Variants in HSPA4 observed in about 807,000 individuals in gnomAD.
HSPA4 encodes heat shock protein family A (Hsp70) member 4.
HSPA4 carries 25 observed loss-of-function variants against 106.2 expected under a neutral mutation model. The ratio of observed to expected loss-of-function variants is 0.24; its 90% CI spans 0.17 to 0.33. The LOEUF (loss-of-function observed/expected upper bound fraction) is 0.33. Among genes scored for constraint, HSPA4 ranks in the 10% least tolerant of loss-of-function variants. The probability of loss-of-function intolerance (pLI) is 1.00; values close to 1 mark genes in which losing one functional copy is unlikely to be tolerated. For synonymous variants in HSPA4, 332 were observed against 333.6 expected (o/e 1.00, Z 0.05); for missense variants, 841 against 996.0 (o/e 0.84, Z 2.10).
chr5:133,091,852 C>G (rs1252332279), intron 12 of HSPA4, among the ~76,000 whole-genome samples: 1 of 151,812 alleles, frequency 6.6e-6, no homozygotes, highest in Non-Finnish European at 1.5e-5. Flanking sequence ...AAAGTGAGAC[C>G]CTCATCTCTA....
At position 133,103,906 on chromosome 5, in the gene HSPA4, G is replaced by A; in HGVS notation, c.2199G>A (p.Lys733=). 1 of 1,613,886 alleles carries A rather than the reference G, an allele frequency of 6.2e-7. No homozygotes were observed. Among genetic ancestry groups the A allele is most frequent in the Non-Finnish European group, 8.5e-7 (1 of 1,179,942 alleles). Residue 733 remains lysine, a synonymous_variant, in exon 18 of 19, where the codon AAG becomes AAA. Coordinates refer to ENST00000304858, the MANE Select transcript of HSPA4 (RefSeq NM_002154.4). The stretch of plus-strand genomic sequence containing the variant: ...ATTTGGATGCTGCTGACATGACAAA[G>A]GTAGAAAAAAGCACAAATGAAGCAA... ...YDHLDAADMT[K]VEKSTNEAME... is the part of the protein sequence containing the mutation.
intron 7 of HSPA4, among the ~76,000 whole-genome samples, chr5:133,082,820 CTT>C (rs1765529216): frequency 6.6e-6 from 1 of 152,158 alleles, no homozygotes; most frequent in African/African-American, 2.4e-5. Context: ...TGCAATAAAA[CTT>C]TTTAAAAAGA....
intron 7 of HSPA4, among the ~76,000 whole-genome samples, chr5:133,078,144 A>G (rs374000289): frequency 6.6e-6 from 1 of 151,720 alleles, no homozygotes; most frequent in East Asian, 2.0e-4. Context: ...CATCCTGGCT[A>G]ACATGGTGAA....
chr5:133,102,954 C>T (rs973433809), intron 17 of HSPA4, among the ~76,000 whole-genome samples: 2 of 138,854 alleles, frequency 1.4e-5, no homozygotes, highest in East Asian at 4.3e-4. Context: ...ACCATGTTAC[C>T]CAGGCTGGTC....
intron 16 of HSPA4, 35 bp downstream of exon 16, chr5:133,099,687 C>T (rs771700161): frequency 8.5e-7 from 1 of 1,178,780 alleles, no homozygotes; most frequent in Non-Finnish European, 1.3e-6. Context: ...TATCCAGAAC[C>T]CTTGTTGAAG....
chr5:133,076,817 T>G lies in HSPA4; in HGVS notation c.827T>G (p.Leu276Trp), dbSNP rs1461257528. 2.5e-6 allele frequency: 4 copies of G among 1,613,362 alleles called. No homozygotes were observed. Among genetic ancestry groups the G allele is most frequent in the Non-Finnish European group, 3.4e-6 (4 of 1,179,488 alleles). ...CAGGAGTGTGAGAAACTCAAGAAAT[T>G]GATGAGTGCAAATGCTTCAGATCTC... ...LSQECEKLKK[L>W]MSANASDLPL... is the part of the protein sequence containing the mutation. Residue 276 changes from leucine to tryptophan, a missense_variant, in exon 7 of 19, where the codon TTG (leucine) becomes TGG (tryptophan). This residue lies in a region of HSPA4 where 347 missense variants were observed against 408.7 expected (regional missense o/e 0.85). Coordinates refer to ENST00000304858, the MANE Select transcript of HSPA4 (RefSeq NM_002154.4).
chr5:133,072,129 C>G (rs1019174294), intron 4 of HSPA4, among the ~76,000 whole-genome samples: 1 of 152,104 alleles, frequency 6.6e-6, no homozygotes, highest in African/African-American at 2.4e-5. Context: ...TTGGGTGGGG[C>G]CTCAAGATCA....
intron 7 of HSPA4, among the ~76,000 whole-genome samples, chr5:133,081,890 A>C (rs1218810398): frequency 6.6e-6 from 1 of 152,184 alleles, no homozygotes; most frequent in African/African-American, 2.4e-5. Context: ...AATCTGCATC[A>C]AATTATCACA....
chr5:133,064,362 T>G (rs1254963204), intron 1 of HSPA4, among the ~76,000 whole-genome samples: 1 of 152,106 alleles, frequency 6.6e-6, no homozygotes, highest in Non-Finnish European at 1.5e-5. Context: ...AAAAATTAGC[T>G]GGGCGTGATG....
chr5:133,098,674 AT>A (rs1201767350), intron 15 of HSPA4, among the ~76,000 whole-genome samples: 1 of 145,298 alleles, frequency 6.9e-6, no homozygotes, highest in Non-Finnish European at 1.5e-5. Flanking sequence ...AGTTGTTTTT[AT>A]TTTTTTATTT....
rs776345670 is a variant in HSPA4, at chr5:133,091,264, G to A, written c.1450G>A (p.Val484Ile). ...SSSKVKVKVR[V>I]NVHGIFSVSS... ...TTCAAAAGTGAAAGTCAAAGTTCGAGTAAATGTCCATGGCATTTTCAGTGT... is the reference window on the plus strand; with the variant it reads ...TTCAAAAGTGAAAGTCAAAGTTCGAATAAATGTCCATGGCATTTTCAGTGT... Residue 484 changes from valine to isoleucine, a missense_variant, in exon 12 of 19, where the codon GTA becomes ATA. This residue lies in a region of HSPA4 where 162 missense variants were observed against 177.7 expected (regional missense o/e 0.91). Transcript: ENST00000304858. The A allele has an allele frequency of 6.2e-7, 1 of 1,614,014 alleles. No individual in the cohort carries two copies. Among genetic ancestry groups the A allele is most frequent in the Non-Finnish European group, 8.5e-7 (1 of 1,179,952 alleles).
chr5:133,102,815 C>T (rs1765804366), intron 17 of HSPA4, among the ~76,000 whole-genome samples: 1 of 151,834 alleles, frequency 6.6e-6, no homozygotes, highest in African/African-American at 2.4e-5. Flanking sequence ...CGGCTCACTG[C>T]AGCCTCAATC....
At chr5:133,085,655 C>T (rs889351825) in intron 7 of HSPA4, among the ~76,000 whole-genome samples, 6 of 151,640 alleles carry the variant, frequency 4.0e-5, no homozygotes, top group East Asian at 1.9e-4. Context: ...ATTGAAACTC[C>T]GTCTGAAAAA....
At chr5:133,086,976 G>C (rs1765585875) in intron 8 of HSPA4, 118 bp downstream of exon 8, 3 of 718,978 alleles carry the variant, frequency 4.2e-6, no homozygotes, top group Admixed American at 2.8e-5. Context: ...TAATTCAGTG[G>C]TATATATTAA....
At chr5:133,083,240 A>G (rs1006979702) in intron 7 of HSPA4, among the ~76,000 whole-genome samples, 4 of 151,606 alleles carry the variant, frequency 2.6e-5, no homozygotes, top group African/African-American at 9.7e-5. Flanking sequence ...TGAACCTGGG[A>G]GGCGGAGGTA....
intron 7 of HSPA4, among the ~76,000 whole-genome samples, chr5:133,083,180 C>T (rs552728831): frequency 7.4e-5 from 11 of 148,298 alleles, no homozygotes; most frequent in Non-Finnish European, 1.2e-4. Context: ...GGCTTGGTGG[C>T]GTGCACCTGC....
chr5:133,053,081 A>G (rs1765103414), intron 1 of HSPA4: 1 of 152,212 alleles, frequency 6.6e-6, no homozygotes, highest in African/African-American at 2.4e-5. Context: ...TTTAACGATA[A>G]TGCATTCTAA....
chr5:133,066,559 G>A (rs550142650), intron 2 of HSPA4, among the ~76,000 whole-genome samples: 1 of 152,192 alleles, frequency 6.6e-6, no homozygotes, highest in East Asian at 1.9e-4. Context: ...TGTATGAATA[G>A]CCCATAATTT....
chr5:133,091,274 A>G lies in HSPA4; in HGVS notation c.1460A>G (p.His487Arg). The G allele has an allele frequency of 6.2e-7, 1 of 1,613,726 alleles. No homozygotes were observed. The highest frequency in any genetic ancestry group is 8.5e-7 in the Non-Finnish European group (1 of 1,179,578). The part of the protein sequence containing the change: ...KVKVKVRVNV[H>R]GIFSVSSASL... ...AAAGTCAAAGTTCGAGTAAATGTCC[A>G]TGGCATTTTCAGTGTGTCCAGTGCA... is the stretch of plus-strand genomic sequence containing the variant. The change falls in exon 12 of 19, where the codon CAT (histidine) becomes CGT (arginine). Residue 487 changes from histidine (H) to arginine (R), a missense_variant. Coordinates refer to ENST00000304858, the MANE Select transcript of HSPA4 (RefSeq NM_002154.4).
Sources: gnomAD v4.1 joint callset for allele counts (sites outside exome capture counted in the v4.1 genomes callset) on GRCh38, gnomAD v4.1.1 for gene constraint, gnomAD v4.1.1 regional missense constraint, MANE v1.5 for transcripts, NCBI Gene and HGNC (gene_info 2026-07-23, HGNC 2026-07-21) for gene names.